WNK3: variants seen among roughly 807,000 people sequenced by gnomAD.
The protein encoded by WNK3 is WNK lysine deficient protein kinase 3, also known as serine/threonine-protein kinase WNK3.
In WNK3, 18 loss-of-function variants were observed where a neutral mutation model predicts 116.7. That is an observed-to-expected ratio of 0.15 (90% CI 0.11 to 0.23). The LOEUF (loss-of-function observed/expected upper bound fraction) is 0.23. WNK3 is among the 10% of genes least tolerant of loss of function. The probability of loss-of-function intolerance (pLI) is 1.00; values close to 1 mark genes in which losing one functional copy is unlikely to be tolerated. For missense variants in WNK3, 993 were observed against 1,323.8 expected (o/e 0.75, Z 3.88); for synonymous variants, 404 against 469.4 (o/e 0.86, Z 1.80).
At chrX:54,330,005 C>T (rs186465396) in intron 2 of WNK3, among the ~76,000 whole-genome samples, 1 of 111,499 alleles carries the variant, frequency 9.0e-6, no homozygotes, top group Non-Finnish European at 1.9e-5. Context: ...TTTGGGAAGC[C>T]GAAGTGGAAG....
intron 16 of WNK3, 110 bp from the exon 17 acceptor site, chrX:54,249,744 T>C: frequency 1.3e-6 from 1 of 787,271 alleles, no homozygotes; most frequent in East Asian, 3.2e-5. Context: ...AGAACCTGTG[T>C]GAAAGTACTC....
At chrX:54,337,053 T>TG (rs1557175497) in intron 1 of WNK3, among the ~76,000 whole-genome samples, 2 of 109,850 alleles carry the variant, frequency 1.8e-5, no homozygotes, top group African/African-American at 6.7e-5. Flanking sequence ...ATTTTTGACT[T>TG]GGGAAAAAAA....
intron 1 of WNK3, among the ~76,000 whole-genome samples, chrX:54,353,350 C>T (rs782358568): frequency 2.0e-4 from 22 of 110,716 alleles, no homozygotes; most frequent in Non-Finnish European, 3.2e-4. Context: ...CCCAGCTATT[C>T]GGGATGCTGA....
At chrX:54,345,785 CAAAA>C (rs372848363) in intron 1 of WNK3, among the ~76,000 whole-genome samples, 1 of 40,454 alleles carries the variant, frequency 2.5e-5, no homozygotes, top group Non-Finnish European at 4.7e-5. Flanking sequence ...GACTCAGTAT[CAAAA>C]AAAAAAAAAA....
chrX:54,332,743 C>T (rs1372035895), intron 2 of WNK3, among the ~76,000 whole-genome samples: 1 of 108,413 alleles, frequency 9.2e-6, no homozygotes, highest in African/African-American at 3.4e-5. Flanking sequence ...AAAAAATTAG[C>T]GGGGCGTAGT....
intron 11 of WNK3, among the ~76,000 whole-genome samples, chrX:54,257,768 C>G (rs1557155823): frequency 1.4e-5 from 1 of 70,235 alleles, no homozygotes; most frequent in East Asian, 4.6e-4. Context: ...CCAGCCTGGG[C>G]AACAGAGTAA....
chrX:54,239,137 A>G (rs1163762419), intron 17 of WNK3, 38 bp from the exon 18 acceptor site: 1 of 908,251 alleles, frequency 1.1e-6, no homozygotes. Context: ...AAACAAAACA[A>G]AACAAAACAA....
At chrX:54,196,619 T>C (rs1177408526) in exon 24 of WNK3, 1 of 111,762 alleles carries the variant, frequency 8.9e-6, no homozygotes, top group Non-Finnish European at 1.9e-5. Flanking sequence ...GGTAAATGTG[T>C]ATTAGAAATG....
intron 17 of WNK3, among the ~76,000 whole-genome samples, chrX:54,240,434 A>G (rs1235266448): frequency 1.1e-4 from 12 of 112,114 alleles, no homozygotes; most frequent in African/African-American, 3.9e-4. Context: ...GTTTCATGAG[A>G]AGAAAAAAAT....
intron 10 of WNK3, among the ~76,000 whole-genome samples, chrX:54,270,828 C>T (rs1023297922): frequency 1.8e-5 from 2 of 111,274 alleles, no homozygotes; most frequent in South Asian, 3.8e-4. Context: ...TGAGAACATG[C>T]GGTGTTTGGT....
intron 10 of WNK3, 121 bp from the exon 11 acceptor site, chrX:54,259,459 CTA>C: frequency 2.9e-6 from 1 of 350,378 alleles, no homozygotes; most frequent in Non-Finnish European, 5.0e-6. Context: ...GGTAGAATAT[CTA>C]TGTTATTGAA....
chrX:54,339,040 G>A (rs2069283897), intron 1 of WNK3, among the ~76,000 whole-genome samples: 1 of 104,982 alleles, frequency 9.5e-6, no homozygotes, highest in African/African-American at 3.5e-5. Context: ...GAAGGATGAA[G>A]AAAGAAATCT....
chrX:54,294,115 G>A (rs888522610), intron 8 of WNK3, among the ~76,000 whole-genome samples: 13 of 111,058 alleles, frequency 1.2e-4, no homozygotes, highest in South Asian at 3.8e-4. Context: ...TGGGGAGGTC[G>A]AGGCTGCAGT....
At chrX:54,227,172 A>G (rs1046957987) in intron 22 of WNK3, among the ~76,000 whole-genome samples, 1 of 111,618 alleles carries the variant, frequency 9.0e-6, no homozygotes, top group Non-Finnish European at 1.9e-5. Context: ...ATTTCTCTAC[A>G]TTCCCTCCAA....
chrX:54,261,647 C>T (rs1452647301), intron 10 of WNK3, among the ~76,000 whole-genome samples: 1 of 111,617 alleles, frequency 9.0e-6, no homozygotes, highest in African/African-American at 3.3e-5. Flanking sequence ...CACACACACA[C>T]GTTTTTAATG....
intron 2 of WNK3, among the ~76,000 whole-genome samples, chrX:54,321,916 A>G (rs1444641237): frequency 9.3e-6 from 1 of 107,666 alleles, no homozygotes; most frequent in Non-Finnish European, 1.9e-5. Flanking sequence ...CCCCGGAGGC[A>G]GAGGTTGCAG....
chrX:54,259,287 C>G, exon 11 of WNK3: 2 of 1,194,303 alleles, frequency 1.7e-6, no homozygotes, highest in Non-Finnish European at 2.3e-6. Context: ...CGAACTAAAT[C>G]TGGTTTTAGA....
intron 22 of WNK3, chrX:54,223,852 G>A: frequency 7.4e-6 from 1 of 135,276 alleles, no homozygotes; most frequent in Non-Finnish European, 1.5e-5. Flanking sequence ...AGAGAAGACT[G>A]GGATGTCTAG....
At chrX:54,345,331 T>TC (rs2069408268) in intron 1 of WNK3, among the ~76,000 whole-genome samples, 6 of 110,590 alleles carry the variant, frequency 5.4e-5, no homozygotes, top group African/African-American at 2.0e-4. Flanking sequence ...TGTATGTATT[T>TC]GAGTGGATTC....
Sources: gnomAD v4.1 joint callset for allele counts (sites outside exome capture counted in the v4.1 genomes callset) on GRCh38, gnomAD v4.1.1 for gene constraint, MANE v1.5 for transcripts, NCBI Gene and HGNC (gene_info 2026-07-23, HGNC 2026-07-21) for gene names.